The following CACNA1S variants were observed in gnomAD, a reference collection of about 807,000 sequenced individuals.
CACNA1S encodes voltage-dependent L-type calcium channel subunit alpha-1S.
Under a neutral mutation model 207.4 loss-of-function variants are expected in CACNA1S, and 126 were observed. The observed-to-expected ratio is 0.61, with a 90% confidence interval of 0.53 to 0.70. The LOEUF is 0.70. Ranked by LOEUF, CACNA1S falls within the 30% of genes least tolerant of loss-of-function variation. CACNA1S has a pLI of 0.00. For missense variants in CACNA1S, 2,349 were observed against 2,422.8 expected, an observed-to-expected ratio of 0.97 and a Z score of 0.64; for synonymous variants, 960 against 932.7, an observed-to-expected ratio of 1.03 and a Z score of -0.53.
chr1:201,057,261 G>T (rs1448735374), intron 28 of CACNA1S, among the ~76,000 whole-genome samples: 1 of 152,180 alleles, frequency 6.6e-6, no homozygotes, highest in East Asian at 1.9e-4. Context: ...CTCAAACTCA[G>T]CAAGCACCAT....
At chr1:201,098,788 G>A (rs549302366) in intron 2 of CACNA1S, among the ~76,000 whole-genome samples, 10 of 152,136 alleles carry the variant, frequency 6.6e-5, no homozygotes, top group Admixed American at 2.6e-4. Flanking sequence ...CAGTGAGCCC[G>A]TCCAACTTCG....
At chr1:201,111,955 C>CTCCTCTTCCTCCTCCTCCCCCACCCTCA (rs1663125005) in intron 1 of CACNA1S, among the ~76,000 whole-genome samples, 1 of 149,110 alleles carries the variant, frequency 6.7e-6, no homozygotes, top group Non-Finnish European at 1.5e-5. Flanking sequence ...CCCCACCCTC[C>CTCCTCTTCCTCCTCCTCCCCCACCCTCA]TCCTCTTCCT....
chr1:201,099,660 C>T (rs762163097), intron 2 of CACNA1S, among the ~76,000 whole-genome samples: 1 of 152,188 alleles, frequency 6.6e-6, no homozygotes, highest in Non-Finnish European at 1.5e-5. Flanking sequence ...GGAGGACAGA[C>T]ATCCTCAAAT....
At chr1:201,079,198 C>T (rs760648331) in intron 10 of CACNA1S, among the ~76,000 whole-genome samples, 3 of 151,922 alleles carry the variant, frequency 2.0e-5, no homozygotes, top group African/African-American at 4.8e-5. Flanking sequence ...TCCCTGTCAC[C>T]GTCAAACTCC....
chr1:201,085,061 C>T, intron 8 of CACNA1S, 30 bp from the exon 9 acceptor site: 2 of 1,553,754 alleles, frequency 1.3e-6, no homozygotes, highest in Non-Finnish European at 1.8e-6. Context: ...AGTCAGCCAG[C>T]CTTCGGGGCC....
chr1:201,090,582 T>C (rs1558080094), intron 5 of CACNA1S, among the ~76,000 whole-genome samples: 1 of 152,194 alleles, frequency 6.6e-6, no homozygotes, highest in Non-Finnish European at 1.5e-5. Flanking sequence ...CCAGGGCTTA[T>C]GGAGGAGGCT....
chr1:201,109,416 G>A (rs1663020643), intron 2 of CACNA1S, among the ~76,000 whole-genome samples: 1 of 152,028 alleles, frequency 6.6e-6, no homozygotes, highest in South Asian at 2.1e-4. Flanking sequence ...GTAGTTATAG[G>A]GATTAAATAA....
At position 201,061,485 on chromosome 1, in the gene CACNA1S, AAG is replaced by A; in HGVS notation, c.3054-19_3054-18del. The A allele has an allele frequency of 6.2e-7, 1 of 1,611,012 alleles. No homozygotes were observed. Among genetic ancestry groups the A allele is most frequent in the Non-Finnish European group, 8.5e-7 (1 of 1,177,594 alleles). On this transcript the variant is annotated intron_variant, in intron 24 of 43. Coordinates refer to ENST00000362061, the MANE Select transcript of CACNA1S (RefSeq NM_000069.3). Reference sequence around the variant, plus strand: ...TACAGCAGCCTGGGGGTGGGCAGAGAAGAGAGGACAGACTGGGTGGGGTGACA... The same window carrying A: ...TACAGCAGCCTGGGGGTGGGCAGAGAAGAGGACAGACTGGGTGGGGTGACA...
rs1275656462 is a variant in CACNA1S, at chr1:201,040,218, G to A, written c.5370+13C>T. ...TCAATGCAGCCACTGCTGTGACCCA[G>A]CCCCTGGCTCACCTTTTGGATCAGC... On this transcript the variant is annotated intron_variant, in intron 43 of 43. Transcript: ENST00000362061. 7 of 1,612,934 alleles carry A rather than the reference G, an allele frequency of 4.3e-6. No individual in the cohort carries two copies. Among genetic ancestry groups the A allele is most frequent in the Non-Finnish European group, 5.9e-6 (7 of 1,180,038 alleles).
intron 2 of CACNA1S, among the ~76,000 whole-genome samples, chr1:201,098,401 A>G (rs899399735): frequency 3.3e-5 from 5 of 152,228 alleles, no homozygotes; most frequent in African/African-American, 1.2e-4. Flanking sequence ...GGGTTTGTCA[A>G]AGTCACATGG....
chr1:201,084,621 C>T (rs1661963992), intron 9 of CACNA1S, among the ~76,000 whole-genome samples: 2 of 152,138 alleles, frequency 1.3e-5, no homozygotes, highest in Non-Finnish European at 2.9e-5. Context: ...GCAGAGGTTT[C>T]CAACATGAAT....
At chr1:201,049,738 T>C (rs553857426) in intron 34 of CACNA1S, among the ~76,000 whole-genome samples, 2 of 152,264 alleles carry the variant, frequency 1.3e-5, no homozygotes, top group East Asian at 3.9e-4. Context: ...GGGTGGCTGG[T>C]AGAGGCAAGT....
chr1:201,073,466 C>T (rs1026632616), intron 15 of CACNA1S, 83 bp downstream of exon 15: 10 of 1,139,678 alleles, frequency 8.8e-6, no homozygotes, highest in African/African-American at 6.1e-5. Context: ...CACCCTACCC[C>T]ACCTGTACCC....
intron 6 of CACNA1S, among the ~76,000 whole-genome samples, chr1:201,088,671 T>C (rs1264621477): frequency 6.6e-6 from 1 of 152,200 alleles, no homozygotes; most frequent in Non-Finnish European, 1.5e-5. Flanking sequence ...ATCTGTAAAA[T>C]GGGAGCAATG....
intron 11 of CACNA1S, 42 bp from the exon 12 acceptor site, chr1:201,077,169 C>A: frequency 6.5e-7 from 1 of 1,542,940 alleles, no homozygotes; most frequent in Non-Finnish European, 9.0e-7. Flanking sequence ...GACAGACCCT[C>A]TCACTGGGGC....
In CACNA1S at chr1:201,066,922, C is replaced by T; in HGVS notation, c.2622G>A (p.Leu874=). ...TGGAGATGAGGGACACGGCCACCAC[C>T]AGCAGGTCCAGCATGTTGAAGTAAT... is the stretch of plus-strand genomic sequence containing the variant. ...CRNYFNMLDL[L]VVAVSLISMG... The change falls in exon 20 of 44, where the codon CTG becomes CTA. Residue 874 remains leucine, a synonymous_variant. Transcript: ENST00000362061. The surrounding 1 kb of genome is among the most constrained non-coding windows in gnomAD (Gnocchi z 4.3). 6.2e-7 allele frequency: 1 copy of T among 1,614,196 alleles called. No homozygotes were observed. The highest frequency in any genetic ancestry group is 8.5e-7 in the Non-Finnish European group (1 of 1,180,004).
chr1:201,076,175 C>A (rs1661613661), intron 12 of CACNA1S, among the ~76,000 whole-genome samples: 1 of 152,212 alleles, frequency 6.6e-6, no homozygotes, highest in South Asian at 2.1e-4. Flanking sequence ...TCTTCCTAAC[C>A]CCCGGGCTTC....
chr1:201,067,799 C>A (rs1383540012), intron 19 of CACNA1S, among the ~76,000 whole-genome samples: 3 of 152,212 alleles, frequency 2.0e-5, no homozygotes, highest in Non-Finnish European at 2.9e-5. Flanking sequence ...CCACAAACTT[C>A]TTGACCTCGA....
At chr1:201,083,973 G>A (rs1019752667) in intron 9 of CACNA1S, among the ~76,000 whole-genome samples, 14 of 152,070 alleles carry the variant, frequency 9.2e-5, no homozygotes, top group African/African-American at 3.4e-4. Flanking sequence ...ACTGTTCCCT[G>A]CAGCACTGTT....
Sources: allele counts gnomAD v4.1 joint callset (sites outside exome capture counted in the v4.1 genomes callset), GRCh38; gene constraint gnomAD v4.1.1; non-coding constraint Gnocchi (gnomAD v3.1); transcripts MANE v1.5; gene names NCBI Gene and HGNC (gene_info 2026-07-23, HGNC 2026-07-21).